Variants in NUP107 observed in about 807,000 individuals in gnomAD.
NUP107 encodes nuclear pore complex protein Nup107.
Under a neutral mutation model 141.0 loss-of-function variants are expected in NUP107, and 101 were observed. That is an observed-to-expected ratio of 0.72 (90% confidence interval 0.61 to 0.84). NUP107 has a LOEUF of 0.84. Ranked by LOEUF, NUP107 falls within the 40% of genes least tolerant of loss-of-function variation. The pLI is 0.00. For missense variants in NUP107, 941 were observed against 1,102.7 expected (o/e 0.85, Z 2.08); for synonymous variants, 319 against 363.9 (o/e 0.88, Z 1.41).
intron 8 of NUP107, chr12:68,705,859 C>G: frequency 1.3e-6 from 1 of 789,918 alleles, no homozygotes; most frequent in Non-Finnish European, 2.3e-6. Flanking sequence ...GCTGAGCCCC[C>G]TTAACCTGGA....
intron 7 of NUP107, among the ~76,000 whole-genome samples, chr12:68,702,344 C>T (rs934364028): frequency 5.9e-5 from 9 of 151,934 alleles, no homozygotes; most frequent in African/African-American, 1.9e-4. Context: ...AGGCTGGTCT[C>T]GAACACCCGA....
intron 8 of NUP107, among the ~76,000 whole-genome samples, chr12:68,704,848 CT>C (rs960530934): frequency 0.011 from 1,566 of 148,556 alleles, 26 homozygotes; most frequent in African/African-American, 0.036. Flanking sequence ...TGTTAGACTG[CT>C]TTTTTTTTTC....
At chr12:68,716,280 A>G (rs1370060613) in intron 12 of NUP107, among the ~76,000 whole-genome samples, 3 of 129,046 alleles carry the variant, frequency 2.3e-5, no homozygotes, top group African/African-American at 8.9e-5. Context: ...ACTGTCGCCT[A>G]GACTGGAATG....
At chr12:68,711,374 T>G (rs1370435568) in intron 10 of NUP107, among the ~76,000 whole-genome samples, 3 of 150,386 alleles carry the variant, frequency 2.0e-5, no homozygotes, top group Non-Finnish European at 4.4e-5. Context: ...ATAAATAAAA[T>G]AAAAGTAACT....
In NUP107 at chr12:68,702,754, A is replaced by G. The variant is rs1472063985; in HGVS notation, c.699A>G (p.Ala233=). Residue 233 remains alanine (A), a synonymous_variant, in exon 8 of 28, where the codon GCA becomes GCG. Coordinates refer to ENST00000229179, the MANE Select transcript of NUP107 (RefSeq NM_020401.4). ...ASLYRDRIQS[A]LEEESVFAVT... ...TCCCCAGAGACAGAATACAGTCTGC[A>G]TTAGAAGAGGAAAGTGTATTCGCAG... is the stretch of plus-strand genomic sequence containing the variant. The G allele has an allele frequency of 6.5e-7, 1 of 1,549,638 alleles. No individual in the cohort carries two copies. The highest frequency in any genetic ancestry group is 2.4e-5 in the East Asian group (1 of 42,488).
In NUP107 at chr12:68,743,985, A is replaced by C. The variant is rs1487033529; in HGVS notation, c.*1523A>C. ...TCATACCAAAACAAATACAGACTAG[A>C]TTTGGGGTGGGGAGGGGAAATAAGT... On this transcript the variant is annotated 3_prime_UTR_variant, in exon 28 of 28. Coordinates refer to ENST00000229179, the MANE Select transcript of NUP107 (RefSeq NM_020401.4). The C allele has an allele frequency of 2.0e-5, 3 of 152,202 alleles. No individual in the cohort carries two copies. The highest frequency in any genetic ancestry group is 4.4e-5 in the Non-Finnish European group (3 of 68,040). The allele number at this position is 152,202 out of a possible 1,614,324, so 9.4% of individuals were successfully genotyped here.
chr12:68,730,386 T>G (rs1877771538), intron 20 of NUP107, among the ~76,000 whole-genome samples: 1 of 151,788 alleles, frequency 6.6e-6, no homozygotes, highest in South Asian at 2.1e-4. Context: ...GCCTGGCTAA[T>G]TTTTGTATTT....
At position 68,715,682 on chromosome 12, in the gene NUP107, A is replaced by G. The variant is rs1877071864; in HGVS notation, c.1025A>G (p.Asp342Gly). ...KMPLDDLDRE[D>G]EVRLLKYLFT... is the part of the protein sequence containing the mutation. ...CCCCTTGATGATCTGGATAGAGAAG[A>G]TGAAGTTAGATTACTCAAATATCTC... Residue 342 changes from aspartate (D) to glycine (G), a missense_variant, in exon 12 of 28, where the codon GAT becomes GGT. Physicochemically the swap from Asp to Gly is moderately conservative, Grantham distance 94. Transcript: ENST00000229179. The G allele has an allele frequency of 6.2e-7, 1 of 1,613,498 alleles. No individual in the cohort carries two copies. The highest frequency in any genetic ancestry group is 8.5e-7 in the Non-Finnish European group (1 of 1,179,498).
At chr12:68,692,518 G>T (rs569067274) in intron 5 of NUP107, among the ~76,000 whole-genome samples, 63 of 151,582 alleles carry the variant, frequency 4.2e-4, no homozygotes, top group African/African-American at 1.5e-3. Flanking sequence ...GGCAGAGTTT[G>T]CAGTGAGCTG....
chr12:68,709,328 A>T lies in NUP107; in HGVS notation c.801+19A>T, dbSNP rs938071443. On this transcript the variant is annotated intron_variant, in intron 9 of 27. Coordinates refer to ENST00000229179, the MANE Select transcript of NUP107 (RefSeq NM_020401.4). ...AAGTCAGGTATGACTAGAATTTAAA[A>T]TTTTTTTTTATGAAACATGGAGAAA... 24 of 1,457,570 alleles carry T rather than the reference A, an allele frequency of 1.6e-5. No individual in the cohort carries two copies. The highest frequency in any genetic ancestry group is 2.5e-5 in the South Asian group (2 of 79,414). 90.3% of individuals were successfully genotyped at this position (1,457,570 alleles called of 1,614,324 possible).
intron 17 of NUP107, among the ~76,000 whole-genome samples, chr12:68,723,010 A>ATACATACAGTGT (rs1565698701): frequency 6.6e-6 from 1 of 152,190 alleles, no homozygotes; most frequent in African/African-American, 2.4e-5. Flanking sequence ...TTGTATATAC[A>ATACATACAGTGT]TACATACAGT....
chr12:68,737,432 T>G (rs1878123968), intron 26 of NUP107, among the ~76,000 whole-genome samples: 2 of 151,958 alleles, frequency 1.3e-5, no homozygotes, highest in African/African-American at 4.8e-5. Flanking sequence ...CCTGGTGTGG[T>G]GGTGCATGCC....
chr12:68,710,867 C>G (rs1211279248), intron 10 of NUP107, among the ~76,000 whole-genome samples: 1 of 152,024 alleles, frequency 6.6e-6, no homozygotes, highest in African/African-American at 2.4e-5. Context: ...TGTAAAGGAT[C>G]TGAGCACCCT....
At chr12:68,695,078 A>G (rs532039675) in intron 5 of NUP107, among the ~76,000 whole-genome samples, 1 of 152,342 alleles carries the variant, frequency 6.6e-6, no homozygotes, top group Non-Finnish European at 1.5e-5. Context: ...GGCTACTGAA[A>G]AACAAACAAA....
chr12:68,709,517 C>T (rs1357857223), intron 9 of NUP107, among the ~76,000 whole-genome samples: 2 of 151,892 alleles, frequency 1.3e-5, no homozygotes, highest in South Asian at 2.1e-4. Context: ...CTGTTAAAAA[C>T]GATTATTCCT....
At chr12:68,692,350 G>A (rs1056835108) in intron 5 of NUP107, among the ~76,000 whole-genome samples, 3 of 152,116 alleles carry the variant, frequency 2.0e-5, no homozygotes, top group African/African-American at 7.2e-5. Flanking sequence ...AGAGGCCGAG[G>A]CGGGCAGATC....
Position 68,712,985 on chromosome 12 carries a change from CTT to C in NUP107, c.891-744_891-743del, listed in dbSNP as rs141682402. ...AAAGCATAGGAAGATATCCTAGTAA[CTT>C]GAGAATAGATAGATGTATCTTAGCT... On this transcript the variant is annotated intron_variant, in intron 10 of 27. Coordinates refer to ENST00000229179, the MANE Select transcript of NUP107 (RefSeq NM_020401.4). Among the ~76,000 whole-genome samples, 558 of 152,168 alleles carry C rather than the reference CTT, an allele frequency of 3.7e-3. 9 individuals carry two copies. Among genetic ancestry groups the C allele is most frequent in the African/African-American group, 0.013 (535 of 41,504 alleles).
rs1875813722 is a variant in NUP107, at chr12:68,691,976, T to C, written c.312T>C (p.Asn104=). Residue 104 remains asparagine, a synonymous_variant, in exon 5 of 28, where the codon AAT becomes AAC. Transcript: ENST00000229179. ...GFFGNLSMVT[N]LDDSNWAAAF... is the part of the protein sequence containing the mutation. Reference sequence around the variant, plus strand: ...TTTTGTTTTTTTTTAAGGTTACTAATCTGGATGACAGTAACTGGGCAGCTG... The same window carrying C: ...TTTTGTTTTTTTTTAAGGTTACTAACCTGGATGACAGTAACTGGGCAGCTG... 1 of 1,595,086 alleles carries C rather than the reference T, an allele frequency of 6.3e-7. No individual in the cohort carries two copies. Among genetic ancestry groups the C allele is most frequent in the Non-Finnish European group, 8.5e-7 (1 of 1,174,988 alleles).
rs1023540561 is a variant in NUP107, at chr12:68,731,774, T to C, written c.1998+55T>C. The C allele has an allele frequency of 3.1e-6, 3 of 978,800 alleles. No homozygotes were observed. The Admixed American group carries it at 8.0e-5, about 26-fold the overall frequency. 60.6% of individuals were successfully genotyped at this position (978,800 alleles called of 1,614,324 possible). On this transcript the variant is annotated intron_variant, in intron 22 of 27. Coordinates refer to ENST00000229179, the MANE Select transcript of NUP107 (RefSeq NM_020401.4). ...TATAACTTCTAATAATCTTTTATGT[T>C]ATTCCTTGGTGAACTTCTCCCTTCG...
Sources: gnomAD v4.1 joint callset for allele counts (sites outside exome capture counted in the v4.1 genomes callset) on GRCh38, gnomAD v4.1.1 for gene constraint, MANE v1.5 for transcripts, NCBI Gene and HGNC (gene_info 2026-07-23, HGNC 2026-07-21) for gene names.